ZNRF2: variants seen among roughly 807,000 people sequenced by gnomAD.
ZNRF2 encodes zinc and ring finger 2, also known as E3 ubiquitin-protein ligase ZNRF2.
A neutral mutation model predicts 20.4 loss-of-function variants in ZNRF2; 16 were observed. The observed-to-expected ratio is 0.79, with a 90% CI of 0.53 to 1.19. The LOEUF (loss-of-function observed/expected upper bound fraction) is 1.19. Among genes scored for constraint, ZNRF2 ranks in the 50% most tolerant of loss-of-function variants. The probability of loss-of-function intolerance (pLI) is 0.00; values close to 1 mark genes in which losing one functional copy is unlikely to be tolerated. For missense variants in ZNRF2, 363 were observed against 332.4 expected (o/e 1.09, Z -0.72); for synonymous variants, 178 against 144.9 (o/e 1.23, Z -1.64).
rs562536777 is a variant in ZNRF2 at position 30,313,461 on chromosome 7, T to G, written c.470-10181T>G. The stretch of plus-strand genomic sequence containing the variant: ...AAGAAGCTGTGGCTCAGACATGCAT[T>G]TCTCCCTCTAGTTTGTGAATTCCCA... On this transcript the variant is annotated intron_variant, in intron 1 of 4. Transcript: ENST00000323037. 2.6e-5 allele frequency among the ~76,000 whole-genome samples: 4 copies of G among 152,232 alleles called. No individual in the cohort carries two copies. The South Asian group carries it at 8.3e-4, about 32-fold the overall frequency.
At position 30,359,698 on chromosome 7, in the gene ZNRF2, A is replaced by G. The variant is rs115085615; in HGVS notation, c.672-2679A>G. ...AATTTGTGCATTAGCTTTTTTCTTC[A>G]TAACTCAGCAGTCTCAATCCTACCT... On this transcript the variant is annotated intron_variant, in intron 3 of 4. Coordinates refer to ENST00000323037, the MANE Select transcript of ZNRF2 (RefSeq NM_147128.4). Among the ~76,000 whole-genome samples, 1,396 of 152,264 alleles carry G rather than the reference A, an allele frequency of 9.2e-3. 13 individuals are homozygous for G. Among genetic ancestry groups the G allele is most frequent in the African/African-American group, 0.032 (1,314 of 41,556 alleles).
At chr7:30,341,179 A>G (rs995350859) in intron 2 of ZNRF2, among the ~76,000 whole-genome samples, 2 of 152,124 alleles carry the variant, frequency 1.3e-5, no homozygotes, top group African/African-American at 4.8e-5. Flanking sequence ...TTTCAAAATA[A>G]CAGCTCTTGG....
chr7:30,322,633 ATATAG>A lies in ZNRF2; in HGVS notation c.470-1007_470-1003del, dbSNP rs138870243. Among the ~76,000 whole-genome samples the A allele has an allele frequency of 6.6e-3, 1,009 of 152,082 alleles. 15 individuals carry two copies. Among genetic ancestry groups the A allele is most frequent in the African/African-American group, 0.023 (971 of 41,466 alleles). On this transcript the variant is annotated intron_variant, in intron 1 of 4. Transcript: ENST00000323037. ...TGCTTAAGCTCTTTACTGCTGGCCA[ATATAG>A]TCTCTCACTGTTTCTTAATCATATT...
At chr7:30,361,805 T>G (rs78885514) in intron 3 of ZNRF2, among the ~76,000 whole-genome samples, 261 of 152,316 alleles carry the variant, frequency 1.7e-3, no homozygotes, top group African/African-American at 6.0e-3. Context: ...ATGACGATGA[T>G]CATATGCACC....
intron 1 of ZNRF2, among the ~76,000 whole-genome samples, chr7:30,292,342 T>G (rs565535964): frequency 2.7e-4 from 41 of 152,316 alleles, no homozygotes; most frequent in African/African-American, 9.6e-4. Flanking sequence ...CATTAAAATT[T>G]TTTATAACAT....
intron 2 of ZNRF2, among the ~76,000 whole-genome samples, chr7:30,332,943 G>T (rs1799658397): frequency 6.6e-6 from 1 of 152,026 alleles, no homozygotes. Flanking sequence ...TTAGTTTTTT[G>T]AGAGATCTTC....
chr7:30,303,136 A>T (rs1799144922), intron 1 of ZNRF2, among the ~76,000 whole-genome samples: 1 of 151,940 alleles, frequency 6.6e-6, no homozygotes, highest in Non-Finnish European at 1.5e-5. Context: ...GAAAACAATT[A>T]TCCGGGCGTG....
intron 1 of ZNRF2, among the ~76,000 whole-genome samples, chr7:30,307,684 C>T (rs1415279233): frequency 6.6e-6 from 1 of 151,990 alleles, no homozygotes; most frequent in Non-Finnish European, 1.5e-5. Flanking sequence ...TAGGATTTTT[C>T]ATAGCAATAA....
intron 1 of ZNRF2, among the ~76,000 whole-genome samples, chr7:30,295,040 AGAGAGAGAGAGTGTGTGT>A (rs1798989874): frequency 1.7e-5 from 2 of 115,096 alleles, no homozygotes; most frequent in South Asian, 3.0e-4. Context: ...AGAGAGAGAG[AGAGAGAGAGAGTGTGTGT>A]GTGTGTGTGT....
In ZNRF2 at chr7:30,289,412, C is replaced by T. The variant is rs569952581; in HGVS notation, c.469+3586C>T. Among the ~76,000 whole-genome samples, 10 of 152,236 alleles carry T rather than the reference C, an allele frequency of 6.6e-5. No homozygotes were observed. In the South Asian group the frequency reaches 2.1e-3, roughly 32 times the overall value. On this transcript the variant is annotated intron_variant, in intron 1 of 4. Transcript: ENST00000323037. Reference sequence around the variant, plus strand: ...ATCGGTCTCAGTTATCACTTCTTACCAATATCAAGTGCCAAAATGTTTGAA... The same window carrying T: ...ATCGGTCTCAGTTATCACTTCTTACTAATATCAAGTGCCAAAATGTTTGAA...
Position 30,285,801 on chromosome 7 carries a change from T to C in ZNRF2, c.444T>C (p.Ala148=). The C allele has an allele frequency of 1.3e-6, 2 of 1,528,728 alleles. No homozygotes were observed. Among genetic ancestry groups the C allele is most frequent in the South Asian group, 1.2e-5 (1 of 80,488 alleles). The allele number at this position is 1,528,728 out of a possible 1,614,324, so 94.7% of individuals were successfully genotyped here. A position where few individuals can be genotyped will look rare whatever the true frequency, so the allele number is the denominator to read the frequency against. ...GCCTGGTGATCGGCTCCTTACCAGC[T>C]CACCTCTCGCCGCACATGTTTGGAG... ...GPRLVIGSLP[A]HLSPHMFGGF... is the part of the protein sequence containing the mutation. Residue 148 remains alanine (A), a synonymous_variant, in exon 1 of 5, where the codon GCT becomes GCC. Coordinates refer to ENST00000323037, the MANE Select transcript of ZNRF2 (RefSeq NM_147128.4).
At chr7:30,342,179 C>G (rs548014862) in intron 2 of ZNRF2, among the ~76,000 whole-genome samples, 1 of 151,860 alleles carries the variant, frequency 6.6e-6, no homozygotes, top group Admixed American at 6.6e-5. Context: ...GACTCTTTAT[C>G]CAATTTGCCA....
chr7:30,303,879 A>C (rs374238741), intron 1 of ZNRF2, among the ~76,000 whole-genome samples: 74 of 152,354 alleles, frequency 4.9e-4, no homozygotes, highest in African/African-American at 1.7e-3. Context: ...AATACAGCTT[A>C]GTGGTTTTAA....
intron 2 of ZNRF2, among the ~76,000 whole-genome samples, chr7:30,341,995 G>T (rs1799802533): frequency 1.3e-5 from 2 of 150,200 alleles, no homozygotes; most frequent in Non-Finnish European, 3.0e-5. Flanking sequence ...TGTCTTTTTT[G>T]ATCTTTGTTG....
At chr7:30,340,358 A>G (rs879525260) in intron 2 of ZNRF2, among the ~76,000 whole-genome samples, 9 of 152,176 alleles carry the variant, frequency 5.9e-5, no homozygotes, top group Non-Finnish European at 8.8e-5. Context: ...AGCTTTTGCC[A>G]ATTCATTATG....
At chr7:30,311,699 A>T (rs1443739880) in intron 1 of ZNRF2, among the ~76,000 whole-genome samples, 1 of 152,162 alleles carries the variant, frequency 6.6e-6, no homozygotes, top group African/African-American at 2.4e-5. Flanking sequence ...TCAGTTCTGA[A>T]TTAATTTTTG....
chr7:30,336,778 C>T (rs1799721539), intron 2 of ZNRF2, among the ~76,000 whole-genome samples: 1 of 152,020 alleles, frequency 6.6e-6, no homozygotes. Flanking sequence ...TTGATGTTTT[C>T]TGTGTGGCCA....
intron 2 of ZNRF2, among the ~76,000 whole-genome samples, chr7:30,339,322 T>A (rs1244616801): frequency 6.6e-6 from 1 of 152,218 alleles, no homozygotes; most frequent in Non-Finnish European, 1.5e-5. Flanking sequence ...TTTTGGTGTT[T>A]TAGTCATGAA....
In ZNRF2 at chr7:30,284,703, G is replaced by C; in HGVS notation, c.-655G>C. ...GCGCACCCCCCGCCTTCGCGGCCCAGATCCTCCCGCCAGCCCGGCCCCTCC... is the reference window on the plus strand; with the variant it reads ...GCGCACCCCCCGCCTTCGCGGCCCACATCCTCCCGCCAGCCCGGCCCCTCC... On this transcript the variant is annotated 5_prime_UTR_variant, in exon 1 of 5. Coordinates refer to ENST00000323037, the MANE Select transcript of ZNRF2 (RefSeq NM_147128.4). 5.7e-6 allele frequency: 1 copy of C among 174,532 alleles called. No individual in the cohort carries two copies. Among genetic ancestry groups the C allele is most frequent in the South Asian group, 8.2e-5 (1 of 12,152 alleles). 10.8% of individuals were successfully genotyped at this position (174,532 alleles called of 1,614,324 possible).
Sources: gnomAD v4.1 joint callset for allele counts (sites outside exome capture counted in the v4.1 genomes callset) on GRCh38, gnomAD v4.1.1 for gene constraint, MANE v1.5 for transcripts, NCBI Gene and HGNC (gene_info 2026-07-23, HGNC 2026-07-21) for gene names.